Variants in VWDE observed in about 807,000 individuals in gnomAD.
VWDE encodes the protein von Willebrand factor D and EGF domains.
Under a neutral mutation model 178.4 loss-of-function variants are expected in VWDE, and 207 were observed. That is an observed-to-expected ratio of 1.16 (90% CI 1.04 to 1.30). VWDE has a LOEUF of 1.30. VWDE is among the 50% of genes most tolerant of loss of function. The probability of loss-of-function intolerance (pLI) is 0.00; values close to 1 mark genes in which losing one functional copy is unlikely to be tolerated. For synonymous variants in VWDE, 738 were observed against 651.4 expected (o/e 1.13, Z -2.02); for missense variants, 2,287 against 1,901.3 (o/e 1.20, Z -3.77).
intron 13 of VWDE, among the ~76,000 whole-genome samples, chr7:12,366,221 GAA>G (rs1169439475): frequency 1.3e-5 from 2 of 152,054 alleles, no homozygotes; most frequent in Non-Finnish European, 2.9e-5. Context: ...ATAGCACTGT[GAA>G]AATGGACTAA....
intron 6 of VWDE, among the ~76,000 whole-genome samples, chr7:12,378,731 G>C (rs1783675073): frequency 6.6e-6 from 1 of 152,048 alleles, no homozygotes; most frequent in South Asian, 2.1e-4. Flanking sequence ...TGACAAAGTG[G>C]TCCACTCTTC....
chr7:12,374,897 A>T, intron 8 of VWDE, 113 bp downstream of exon 8: 1 of 1,220,586 alleles, frequency 8.2e-7, no homozygotes, highest in Non-Finnish European at 1.1e-6. Context: ...TGAATCATTT[A>T]AAAACTAATT....
intron 1 of VWDE, among the ~76,000 whole-genome samples, chr7:12,399,643 C>G (rs181129134): frequency 2.3e-3 from 356 of 152,054 alleles, no homozygotes; most frequent in African/African-American, 8.1e-3. Flanking sequence ...ATGGAATATT[C>G]GCCAAAATAG....
At chr7:12,345,151 A>G (rs1781534269) in intron 19 of VWDE, among the ~76,000 whole-genome samples, 1 of 152,092 alleles carries the variant, frequency 6.6e-6, no homozygotes, top group African/African-American at 2.4e-5. Flanking sequence ...TGTAATATAT[A>G]TTATATAGTT....
At chr7:12,336,843 G>A in intron 26 of VWDE, 145 bp downstream of exon 26, 1 of 652,742 alleles carries the variant, frequency 1.5e-6, no homozygotes, top group Non-Finnish European at 2.6e-6. Flanking sequence ...GTGTTTCAAA[G>A]AGGTATCTCC....
At chr7:12,362,126 G>T (rs1402728677) in intron 13 of VWDE, among the ~76,000 whole-genome samples, 1 of 151,882 alleles carries the variant, frequency 6.6e-6, no homozygotes, top group Non-Finnish European at 1.5e-5. Flanking sequence ...ACTATGGAGT[G>T]GTTGGTGGCC....
chr7:12,389,518 G>C (rs1784278244), intron 2 of VWDE, among the ~76,000 whole-genome samples, 160 bp from the exon 3 acceptor site: 1 of 151,794 alleles, frequency 6.6e-6, no homozygotes, highest in Admixed American at 6.6e-5. Flanking sequence ...GTAGTTTTAA[G>C]GAATACTAAA....
Position 12,331,169 on chromosome 7 carries a change from AT to A in VWDE, c.*13del. The A allele has an allele frequency of 6.5e-7, 1 of 1,539,208 alleles. No individual in the cohort carries two copies. The highest frequency in any genetic ancestry group is 1.2e-5 in the South Asian group (1 of 82,586). ...CTTAAGATACAGGCTTGTAATTCAT[AT>A]ACTTGATGCTACTCAATGGCGTCTT... On this transcript the variant is annotated 3_prime_UTR_variant, in exon 29 of 29. Coordinates refer to ENST00000275358, the MANE Select transcript of VWDE (RefSeq NM_001135924.3).
chr7:12,350,447 A>C (rs1781866466), intron 19 of VWDE, among the ~76,000 whole-genome samples: 2 of 152,116 alleles, frequency 1.3e-5, no homozygotes. Flanking sequence ...ACCCACTCCC[A>C]ATTTAAAACT....
chr7:12,335,327 C>T (rs1317464384), intron 27 of VWDE, among the ~76,000 whole-genome samples: 4 of 152,042 alleles, frequency 2.6e-5, no homozygotes, highest in Admixed American at 6.6e-5. Context: ...TTTGATCTTC[C>T]TCTACATCTT....
At position 12,356,171 on chromosome 7, in the gene VWDE, G is replaced by T. The variant is rs1163058830; in HGVS notation, c.3685C>A (p.Leu1229Ile). The change falls in exon 18 of 29, where the codon CTT becomes ATT. Residue 1229 changes from leucine to isoleucine, a missense_variant. Physicochemically the swap from Leu to Ile is conservative, Grantham distance 5. Coordinates refer to ENST00000275358, the MANE Select transcript of VWDE (RefSeq NM_001135924.3). ...TGAAAACCACTAATATAGCTGCCAA[G>T]ACCACAAGGGTTGGATTGGCACCCA... ...ISGCQSNPCG[L>I]GSYISGFHSY... 6.4e-7 allele frequency: 1 copy of T among 1,551,458 alleles called. No individual in the cohort carries two copies. Among genetic ancestry groups the T allele is most frequent in the Non-Finnish European group, 8.7e-7 (1 of 1,146,938 alleles).
At position 12,361,357 on chromosome 7, in the gene VWDE, A is replaced by G. The variant is rs1782568514; in HGVS notation, c.3054+9T>C. 2.6e-6 allele frequency: 4 copies of G among 1,545,264 alleles called. No individual in the cohort carries two copies. Among genetic ancestry groups the G allele is most frequent in the Non-Finnish European group, 3.5e-6 (4 of 1,144,842 alleles). On this transcript the variant is annotated intron_variant, in intron 14 of 28. Coordinates refer to ENST00000275358, the MANE Select transcript of VWDE (RefSeq NM_001135924.3). ...TTTATAAATATGAAGATGTCTTTTT[A>G]TTTTTTACCTTCAACTGCCACTTCC...
chr7:12,401,776 A>G (rs1040970345), intron 1 of VWDE, among the ~76,000 whole-genome samples: 2 of 152,170 alleles, frequency 1.3e-5, no homozygotes, highest in Non-Finnish European at 2.9e-5. Flanking sequence ...ATGACCCGGT[A>G]TTTCCACTCC....
At chr7:12,364,690 A>G (rs780345177) in intron 13 of VWDE, among the ~76,000 whole-genome samples, 1 of 152,158 alleles carries the variant, frequency 6.6e-6, no homozygotes, top group Non-Finnish European at 1.5e-5. Flanking sequence ...TGATGGAAAT[A>G]GAAAATCACC....
In VWDE at chr7:12,337,170, G is replaced by C; in HGVS notation, c.4462+7C>G. On this transcript the variant is annotated splice_region_variant and intron_variant, in intron 25 of 28. Coordinates refer to ENST00000275358, the MANE Select transcript of VWDE (RefSeq NM_001135924.3). ...GTAGTTGACAAATACATTTAGTGAT[G>C]TCTTACTTTTTTGGAATCTCCTACC... 6.4e-7 allele frequency: 1 copy of C among 1,551,522 alleles called. No individual in the cohort carries two copies. Among genetic ancestry groups the C allele is most frequent in the Non-Finnish European group, 8.7e-7 (1 of 1,146,790 alleles).
In VWDE at chr7:12,387,324, T is replaced by C. The variant is rs1440022; in HGVS notation, c.475+1803A>G. 6.0e-4 allele frequency among the ~76,000 whole-genome samples: 92 copies of C among 152,138 alleles called. 1 individual carries two copies. Among genetic ancestry groups the C allele is most frequent in the African/African-American group, 2.1e-3 (86 of 41,526 alleles). Reference sequence around the variant, plus strand: ...GAATGTGAAATTGGAGTGTGTGTCATTGTTTTTATGAAAAAAGATTGCATT... The same window carrying C: ...GAATGTGAAATTGGAGTGTGTGTCACTGTTTTTATGAAAAAAGATTGCATT... On this transcript the variant is annotated intron_variant, in intron 3 of 28. Transcript: ENST00000275358.
At chr7:12,399,512 C>T (rs1347905964) in intron 1 of VWDE, among the ~76,000 whole-genome samples, 7 of 152,122 alleles carry the variant, frequency 4.6e-5, no homozygotes. Flanking sequence ...CTTTCAATAT[C>T]AATTTTAAAA....
chr7:12,332,965 T>TTGTG (rs5882354), intron 28 of VWDE, among the ~76,000 whole-genome samples: 101,356 of 151,578 alleles, frequency 0.67, 35,355 homozygotes, highest in African/African-American at 0.89. Context: ...TTTGCTGCAT[T>TTGTG]TGTCTGTATG....
chr7:12,401,111 A>G (rs1299032326), intron 1 of VWDE, among the ~76,000 whole-genome samples: 1 of 152,158 alleles, frequency 6.6e-6, no homozygotes, highest in East Asian at 1.9e-4. Context: ...ATTTTATGTG[A>G]TGAAGAAAGA....
Sources: gnomAD v4.1 joint callset for allele counts (sites outside exome capture counted in the v4.1 genomes callset) on GRCh38, gnomAD v4.1.1 for gene constraint, MANE v1.5 for transcripts, NCBI Gene and HGNC (gene_info 2026-07-23, HGNC 2026-07-21) for gene names.